GARIN1A: variants seen among roughly 807,000 people sequenced by gnomAD.
GARIN1A encodes the protein golgi associated RAB2 interactor 1A.
At chr7:128,706,385 C>A in the GARIN1A span, among the ~76,000 whole-genome samples, 2 of 152,084 alleles carry the variant, frequency 1.3e-5, no homozygotes, top group Non-Finnish European at 2.9e-5. Context: ...TGCTTGTAGG[C>A]CCTCTCAATG....
chr7:128,682,246 G>A, the GARIN1A span, among the ~76,000 whole-genome samples: 1 of 152,180 alleles, frequency 6.6e-6, no homozygotes, highest in South Asian at 2.1e-4. Flanking sequence ...CAAGCCCTTG[G>A]TTACCAAGGC....
chr7:128,692,651 G>T, the GARIN1A span, among the ~76,000 whole-genome samples: 1 of 152,254 alleles, frequency 6.6e-6, no homozygotes, highest in Non-Finnish European at 1.5e-5. Flanking sequence ...ACACCCAAAT[G>T]GACCCTCTTA....
chr7:128,689,128 A>G, the GARIN1A span, among the ~76,000 whole-genome samples: 2 of 152,012 alleles, frequency 1.3e-5, no homozygotes, highest in South Asian at 2.1e-4. Context: ...GCTGGAGTGC[A>G]GTGGCGTGAT....
chr7:128,674,224 A>G, the GARIN1A span, among the ~76,000 whole-genome samples: 2 of 152,192 alleles, frequency 1.3e-5, no homozygotes, highest in African/African-American at 4.8e-5. Context: ...TGACCTGGGT[A>G]GCAGCAAACT....
chr7:128,682,908 G>A, the GARIN1A span: 2 of 1,359,648 alleles, frequency 1.5e-6, no homozygotes, highest in Admixed American at 5.2e-5. Context: ...TTTTAACAAT[G>A]TTTTCTTTTT....
At chr7:128,698,865 G>T in the GARIN1A span, among the ~76,000 whole-genome samples, 1 of 152,304 alleles carries the variant, frequency 6.6e-6, no homozygotes. Flanking sequence ...GGGATTACAG[G>T]CGTGAGCCAC....
the GARIN1A span, among the ~76,000 whole-genome samples, chr7:128,682,486 T>G: frequency 4.6e-5 from 7 of 152,230 alleles, no homozygotes; most frequent in Non-Finnish European, 7.3e-5. Flanking sequence ...ATTGCATGTG[T>G]GCATATTGTC....
chr7:128,688,615 G>A, the GARIN1A span, among the ~76,000 whole-genome samples: 1 of 152,104 alleles, frequency 6.6e-6, no homozygotes, highest in African/African-American at 2.4e-5. Flanking sequence ...AGCCCTTGAT[G>A]GTTTTGCACA....
the GARIN1A span, among the ~76,000 whole-genome samples, chr7:128,695,163 AG>A: frequency 6.6e-6 from 1 of 152,184 alleles, no homozygotes; most frequent in African/African-American, 2.4e-5. The surrounding 1 kb of genome is among the most constrained non-coding windows in gnomAD (Gnocchi z 4.5). Context: ...ATCTTCTCTA[AG>A]CTCCTGCTCC....
the GARIN1A span, among the ~76,000 whole-genome samples, chr7:128,682,381 T>C: frequency 1.3e-5 from 2 of 152,318 alleles, no homozygotes; most frequent in South Asian, 2.1e-4. Flanking sequence ...TACTTAAGGT[T>C]TGAAGAGTTG....
chr7:128,693,433 CT>C, the GARIN1A span: 347 of 162,220 alleles, frequency 2.1e-3, no homozygotes, highest in Middle Eastern at 6.4e-3. Context: ...GGTCCTGCCA[CT>C]CTGTCTGTAG....
the GARIN1A span, among the ~76,000 whole-genome samples, chr7:128,706,933 C>A: frequency 6.6e-6 from 1 of 152,150 alleles, no homozygotes; most frequent in East Asian, 1.9e-4. Context: ...TTGACATTCA[C>A]TCTTCCATAG....
the GARIN1A span, chr7:128,675,735 G>A: frequency 6.2e-7 from 1 of 1,613,804 alleles, no homozygotes. Context: ...GATCCTCGGG[G>A]TCACCTCCTC....
chr7:128,677,560 C>G, the GARIN1A span: 2 of 1,591,220 alleles, frequency 1.3e-6, no homozygotes, highest in Non-Finnish European at 1.7e-6. Flanking sequence ...CTGATTATGT[C>G]CAGGCTTCTC....
At chr7:128,680,246 T>G in the GARIN1A span, 1 of 628,604 alleles carries the variant, frequency 1.6e-6, no homozygotes, top group Non-Finnish European at 2.7e-6. Context: ...ATTCTTTGTA[T>G]TTTAGATAGT....
the GARIN1A span, chr7:128,683,818 C>T: frequency 1.3e-5 from 2 of 154,186 alleles, no homozygotes; most frequent in Non-Finnish European, 2.9e-5. Flanking sequence ...CTCATGGTTC[C>T]CCAGGCTGTA....
the GARIN1A span, chr7:128,683,773 T>C: frequency 6.6e-6 from 1 of 152,006 alleles, no homozygotes; most frequent in African/African-American, 2.4e-5. Flanking sequence ...CAGCCTCGAG[T>C]CTGGGTAATT....
the GARIN1A span, among the ~76,000 whole-genome samples, chr7:128,698,626 G>A: frequency 6.6e-6 from 1 of 152,126 alleles, no homozygotes; most frequent in East Asian, 1.9e-4. Flanking sequence ...TAGAGATGGA[G>A]TCTCACTCTG....
chr7:128,694,756 G>A, the GARIN1A span, among the ~76,000 whole-genome samples: 1 of 152,188 alleles, frequency 6.6e-6, no homozygotes, highest in Non-Finnish European at 1.5e-5. Context: ...AAAAGGGTTT[G>A]TGGAGAATGA....
Sources: gnomAD v4.1 joint callset for allele counts (sites outside exome capture counted in the v4.1 genomes callset) on GRCh38, gnomAD v4.1.1 for gene constraint, Gnocchi (gnomAD v3.1) non-coding constraint, MANE v1.5 for transcripts, NCBI Gene and HGNC (gene_info 2026-07-23, HGNC 2026-07-21) for gene names.